The following KCND2 variants were observed in gnomAD, a reference collection of about 807,000 sequenced individuals.
KCND2 encodes the protein potassium voltage-gated channel subfamily D member 2, also known as A-type voltage-gated potassium channel KCND2.
Under a neutral mutation model 54.4 loss-of-function variants are expected in KCND2, and 16 were observed. The observed-to-expected ratio is 0.29, with a 90% CI of 0.20 to 0.45. The LOEUF (loss-of-function observed/expected upper bound fraction) is 0.45, where lower values mean the gene tolerates loss of function less well. Ranked by LOEUF, KCND2 falls within the 20% of genes least tolerant of loss-of-function variation. KCND2 has a pLI of 1.00. For synonymous variants in KCND2, 317 were observed against 310.7 expected, an observed-to-expected ratio of 1.02 and a Z score of -0.21; for missense variants, 486 against 824.2, an observed-to-expected ratio of 0.59 and a Z score of 5.02.
At chr7:120,483,938 G>A (rs1802651523) in intron 1 of KCND2, among the ~76,000 whole-genome samples, 1 of 152,086 alleles carries the variant, frequency 6.6e-6, no homozygotes, top group South Asian at 2.1e-4. Flanking sequence ...GTTTTGCTTT[G>A]CTTTTTAAAA....
chr7:120,581,799 C>T (rs565475467), intron 1 of KCND2, among the ~76,000 whole-genome samples: 1 of 152,126 alleles, frequency 6.6e-6, no homozygotes, highest in African/African-American at 2.4e-5. Context: ...GCAACCTGCA[C>T]CTCCTGCGTT....
At chr7:120,368,037 C>G (rs1800712648) in intron 1 of KCND2, among the ~76,000 whole-genome samples, 1 of 152,068 alleles carries the variant, frequency 6.6e-6, no homozygotes, top group Non-Finnish European at 1.5e-5. Context: ...ATCTAAATGC[C>G]TGGACACACT....
intron 1 of KCND2, among the ~76,000 whole-genome samples, chr7:120,591,180 T>A (rs9886093): frequency 0.12 from 17,887 of 152,148 alleles, 1,696 homozygotes; most frequent in African/African-American, 0.28. Flanking sequence ...CTACATAATT[T>A]GAATTAGAAA....
At chr7:120,554,126 C>T (rs1792133927) in intron 1 of KCND2, among the ~76,000 whole-genome samples, 1 of 152,152 alleles carries the variant, frequency 6.6e-6, no homozygotes. Context: ...CAATCTTGGC[C>T]ACAAATACAC....
intron 1 of KCND2, among the ~76,000 whole-genome samples, chr7:120,364,309 A>G (rs1025580038): frequency 6.6e-6 from 1 of 152,136 alleles, no homozygotes; most frequent in Non-Finnish European, 1.5e-5. Flanking sequence ...TGCTCTCCAG[A>G]AAGAAGGCTG....
chr7:120,510,929 G>A (rs578001048), intron 1 of KCND2, among the ~76,000 whole-genome samples: 5 of 146,310 alleles, frequency 3.4e-5, no homozygotes, highest in Non-Finnish European at 6.0e-5. Flanking sequence ...GTCTTCCTAC[G>A]GCTTCACATT....
At position 120,747,754 on chromosome 7, in the gene KCND2, A is replaced by G; in HGVS notation, c.1789A>G (p.Ile597Val). 1 of 1,612,634 alleles carries G rather than the reference A, an allele frequency of 6.2e-7. No individual in the cohort carries two copies. The part of the protein sequence containing the change: ...NCEQPYVTTA[I>V]ISIPTPPVTT... Reference sequence around the variant, plus strand: ...TGAACAACCTTATGTGACTACAGCAATAATAAGCATCCCAACACCTCCAGT... The same window carrying G: ...TGAACAACCTTATGTGACTACAGCAGTAATAAGCATCCCAACACCTCCAGT... The change falls in exon 6 of 6, where the codon ATA becomes GTA. Residue 597 changes from isoleucine to valine, a missense_variant. By Grantham distance (29) the Ile-to-Val change is conservative (BLOSUM62 3). Transcript: ENST00000331113.
intron 1 of KCND2, among the ~76,000 whole-genome samples, chr7:120,595,373 C>T (rs1423192770): frequency 1.3e-5 from 2 of 150,590 alleles, no homozygotes; most frequent in African/African-American, 2.4e-5. Flanking sequence ...ATCACTTGAA[C>T]CCAGGAGGTG....
At chr7:120,681,294 A>G (rs770971476) in intron 1 of KCND2, among the ~76,000 whole-genome samples, 2 of 151,892 alleles carry the variant, frequency 1.3e-5, no homozygotes, top group Non-Finnish European at 2.9e-5. Context: ...GGTATGGGGG[A>G]TATAGGGATG....
chr7:120,642,810 TG>T (rs948966139), intron 1 of KCND2, among the ~76,000 whole-genome samples: 1 of 152,210 alleles, frequency 6.6e-6, no homozygotes, highest in Non-Finnish European at 1.5e-5. Flanking sequence ...ATTAAAAAGC[TG>T]GGTCTGAAAC....
chr7:120,510,872 C>A (rs541238715), intron 1 of KCND2, among the ~76,000 whole-genome samples: 13 of 151,798 alleles, frequency 8.6e-5, no homozygotes, highest in Non-Finnish European at 1.3e-4. Flanking sequence ...CTGGCCACCT[C>A]CCCTGCCCCA....
intron 1 of KCND2, among the ~76,000 whole-genome samples, chr7:120,586,933 CAGA>C (rs1792608078): frequency 6.6e-6 from 1 of 152,052 alleles, no homozygotes; most frequent in African/African-American, 2.4e-5. Flanking sequence ...GTAACGAATA[CAGA>C]AGATTTCTTT....
intron 2 of KCND2, among the ~76,000 whole-genome samples, chr7:120,733,705 T>A (rs1248717462): frequency 6.6e-6 from 1 of 152,138 alleles, no homozygotes; most frequent in Admixed American, 6.6e-5. Context: ...AGTAATCTGA[T>A]CATCTGTAGC....
At position 120,511,144 on chromosome 7, in the gene KCND2, A is replaced by AT. The variant is rs556645778; in HGVS notation, c.1116-221753dup. Among the ~76,000 whole-genome samples the AT allele has an allele frequency of 9.0e-4, 137 of 151,664 alleles. 1 individual carries two copies. Among genetic ancestry groups the AT allele is most frequent in the African/African-American group, 3.2e-3 (134 of 41,340 alleles). ...GTCATGAACACTACAAGTTTGTTCC[A>AT]TTTTTTGGAGCATTTTTTGAATCTG... On this transcript the variant is annotated intron_variant, in intron 1 of 5. Transcript: ENST00000331113.
intron 1 of KCND2, among the ~76,000 whole-genome samples, chr7:120,496,870 A>T (rs1284563458): frequency 6.6e-6 from 1 of 152,156 alleles, no homozygotes; most frequent in Non-Finnish European, 1.5e-5. Flanking sequence ...CTTTCCCAAG[A>T]GTTGGAATTG....
At chr7:120,418,893 A>G (rs951807547) in intron 1 of KCND2, among the ~76,000 whole-genome samples, 13 of 152,170 alleles carry the variant, frequency 8.5e-5, no homozygotes, top group Non-Finnish European at 1.6e-4. Flanking sequence ...GGAACAAAGC[A>G]TTAAGTTATT....
chr7:120,574,644 G>T (rs1384309286), intron 1 of KCND2, among the ~76,000 whole-genome samples: 1 of 151,998 alleles, frequency 6.6e-6, no homozygotes, highest in East Asian at 1.9e-4. Flanking sequence ...TACTCTCAGG[G>T]ATTGTTTTTG....
chr7:120,484,797 TA>T (rs1802670006), intron 1 of KCND2, among the ~76,000 whole-genome samples: 1 of 151,968 alleles, frequency 6.6e-6, no homozygotes, highest in South Asian at 2.1e-4. Flanking sequence ...AAATTAAAAG[TA>T]AAATTTTTGC....
intron 1 of KCND2, among the ~76,000 whole-genome samples, chr7:120,448,077 C>G (rs186767375): frequency 1.5e-4 from 23 of 152,236 alleles, no homozygotes; most frequent in East Asian, 1.2e-3. Flanking sequence ...ATGTGCACAA[C>G]GTGCAGGTTG....
Sources: allele counts gnomAD v4.1 joint callset (sites outside exome capture counted in the v4.1 genomes callset), GRCh38; gene constraint gnomAD v4.1.1; transcripts MANE v1.5; gene names NCBI Gene and HGNC (gene_info 2026-07-23, HGNC 2026-07-21).